FRMD4B: variants seen among roughly 807,000 people sequenced by gnomAD.
The protein encoded by FRMD4B is FERM domain-containing protein 4B.
FRMD4B carries 74 observed loss-of-function variants against 141.5 expected under a neutral mutation model. That is an observed-to-expected ratio of 0.52 (90% CI 0.43 to 0.63). The LOEUF (loss-of-function observed/expected upper bound fraction) is 0.63. FRMD4B is among the 30% of genes least tolerant of loss of function. FRMD4B has a pLI of 0.00. For missense variants in FRMD4B, 1,366 were observed against 1,253.4 expected (o/e 1.09, Z -1.36); for synonymous variants, 506 against 467.9 (o/e 1.08, Z -1.05).
chr3:69,229,742 T>C (rs1231655302), intron 7 of FRMD4B, among the ~76,000 whole-genome samples: 1 of 152,154 alleles, frequency 6.6e-6, no homozygotes, highest in Non-Finnish European at 1.5e-5. Flanking sequence ...GGAGTCTCAC[T>C]CTGTCGCCAG....
chr3:69,282,762 G>A (rs2093649944), intron 5 of FRMD4B, among the ~76,000 whole-genome samples: 1 of 151,804 alleles, frequency 6.6e-6, no homozygotes, highest in African/African-American at 2.4e-5. Flanking sequence ...CTCAGCCTCC[G>A]GAGTAGGTGG....
chr3:69,170,132 A>G lies in FRMD4B; in HGVS notation c.*1729T>C, dbSNP rs962090758. ...TTAATGTAAATATTTAAAAATGTACATCCCGGAATTAATAAAATACGGTAA... is the reference window on the plus strand; with the variant it reads ...TTAATGTAAATATTTAAAAATGTACGTCCCGGAATTAATAAAATACGGTAA... On this transcript the variant is annotated 3_prime_UTR_variant, in exon 23 of 23. Transcript: ENST00000398540. 1.3e-5 allele frequency: 2 copies of G among 152,216 alleles called. No individual in the cohort carries two copies. The highest frequency in any genetic ancestry group is 2.9e-5 in the Non-Finnish European group (2 of 68,038). The allele number at this position is 152,216 out of a possible 1,614,324, so 9.4% of individuals were successfully genotyped here.
intron 1 of FRMD4B, among the ~76,000 whole-genome samples, chr3:69,319,448 C>T (rs1298778039): frequency 2.0e-5 from 3 of 152,072 alleles, no homozygotes; most frequent in African/African-American, 7.2e-5. Context: ...ATATTACTGA[C>T]CCATTTTAAA....
chr3:69,453,565 C>T (rs558926598), intron 1 of FRMD4B, among the ~76,000 whole-genome samples: 33 of 152,324 alleles, frequency 2.2e-4, no homozygotes, highest in Non-Finnish European at 1.5e-5. Context: ...CAGAGTTGTC[C>T]TCTAGCCTAG....
intron 1 of FRMD4B, among the ~76,000 whole-genome samples, chr3:69,350,380 T>C (rs556307474): frequency 1.7e-4 from 26 of 152,326 alleles, no homozygotes; most frequent in Admixed American, 1.2e-3. Context: ...TTGGTGGGAC[T>C]GTAAACTAGT....
At chr3:69,329,991 G>T (rs1205305988) in intron 1 of FRMD4B, among the ~76,000 whole-genome samples, 1 of 152,046 alleles carries the variant, frequency 6.6e-6, no homozygotes, top group Admixed American at 6.6e-5. Context: ...ACTGATGAAG[G>T]TCTCCTGACC....
chr3:69,366,293 T>TAG (rs1703653512), intron 1 of FRMD4B, among the ~76,000 whole-genome samples: 8 of 145,852 alleles, frequency 5.5e-5, no homozygotes, highest in African/African-American at 1.8e-4. Context: ...ACAAAAAAAA[T>TAG]TGACAACAAC....
At chr3:69,296,956 G>C (rs1701054163) in intron 4 of FRMD4B, among the ~76,000 whole-genome samples, 1 of 152,148 alleles carries the variant, frequency 6.6e-6, no homozygotes, top group Non-Finnish European at 1.5e-5. Context: ...TTTAAACTTA[G>C]TTTCCATCTG....
At chr3:69,193,981 G>A (rs1287036348) in intron 16 of FRMD4B, 108 bp from the exon 17 acceptor site, 1 of 682,884 alleles carries the variant, frequency 1.5e-6, no homozygotes, top group African/African-American at 1.8e-5. Context: ...GACGTTCTTT[G>A]AGAACACTAT....
At chr3:69,437,055 A>G (rs1031490068) in intron 1 of FRMD4B, among the ~76,000 whole-genome samples, 2 of 152,048 alleles carry the variant, frequency 1.3e-5, no homozygotes, top group African/African-American at 4.8e-5. Flanking sequence ...CTGGAGATGA[A>G]TCGTGGTAGT....
At chr3:69,360,859 C>T (rs534078214) in intron 1 of FRMD4B, among the ~76,000 whole-genome samples, 1 of 152,252 alleles carries the variant, frequency 6.6e-6, no homozygotes, top group African/African-American at 2.4e-5. Flanking sequence ...TAATGCTCAA[C>T]AGCTATATCA....
rs112049885 is a variant in FRMD4B at position 69,311,137 on chromosome 3, AC to A, written c.323+125del. 2,450 of 507,132 alleles carry A rather than the reference AC, an allele frequency of 4.8e-3. 47 individuals carry two copies. The highest frequency in any genetic ancestry group is 0.043 in the African/African-American group (2,275 of 52,334). 31.4% of individuals were successfully genotyped at this position (507,132 alleles called of 1,614,324 possible). A position where few individuals can be genotyped will look rare whatever the true frequency, so the allele number is the denominator to read the frequency against. ...TAGGAGAAAAATCGCATATTAAAAA[AC>A]CTTTAGCTAAGCAGGACATGTTCTG... is the stretch of plus-strand genomic sequence containing the variant. On this transcript the variant is annotated intron_variant, in intron 3 of 22. Transcript: ENST00000398540.
chr3:69,283,663 C>T (rs949341497), intron 5 of FRMD4B, among the ~76,000 whole-genome samples: 12 of 152,210 alleles, frequency 7.9e-5, no homozygotes, highest in Non-Finnish European at 1.6e-4. Flanking sequence ...TTACAAGGAG[C>T]GATTGTATGT....
chr3:69,411,795 C>T lies in FRMD4B; in HGVS notation c.-1+20839G>A, dbSNP rs147683318. Among the ~76,000 whole-genome samples, 13 of 152,286 alleles carry T rather than the reference C, an allele frequency of 8.5e-5. No homozygotes were observed. The East Asian group carries it at 2.1e-3, about 25-fold the overall frequency. The stretch of plus-strand genomic sequence containing the variant: ...TATAGCCTCCAATCTAGTTTCACCA[C>T]GCACTTCTTAAAGTGGAAGATTTCC... On this transcript the variant is annotated intron_variant, in intron 2 of 5. Coordinates refer to the FRMD4B transcript ENST00000459638.
At chr3:69,472,925 CTTTTTTTTTTTTCT>C (rs1705919550) in intron 1 of FRMD4B, among the ~76,000 whole-genome samples, 6 of 90,908 alleles carry the variant, frequency 6.6e-5, no homozygotes, top group African/African-American at 1.9e-4. Context: ...GTGAGTCTTT[CTTTTTTTTTTTTCT>C]TTTTTTTTTT....
chr3:69,378,174 C>T (rs1220514452), intron 1 of FRMD4B, among the ~76,000 whole-genome samples: 2 of 151,628 alleles, frequency 1.3e-5, no homozygotes, highest in Non-Finnish European at 2.9e-5. Context: ...TAATAAACTT[C>T]CTGCTTGTTA....
rs7617910 is a variant in FRMD4B, at chr3:69,343,577, G to T, written c.163-30060C>A. On this transcript the variant is annotated intron_variant, in intron 1 of 22. Transcript: ENST00000398540. ...AGCCATTTTGTCTTAACAGTTTTTT[G>T]TTTTTTTTTTTTTTTTTTTTTAGAC... 7.9e-3 allele frequency among the ~76,000 whole-genome samples: 1,004 copies of T among 126,364 alleles called. 5 individuals carry two copies. The highest frequency in any genetic ancestry group is 0.024 in the African/African-American group (799 of 33,092). 82.9% of individuals were successfully genotyped at this position (126,364 alleles called of 152,430 possible). A position where few individuals can be genotyped will look rare whatever the true frequency, so the allele number is the denominator to read the frequency against.
chr3:69,231,782 C>T (rs560668528), intron 7 of FRMD4B, among the ~76,000 whole-genome samples: 1 of 152,130 alleles, frequency 6.6e-6, no homozygotes, highest in South Asian at 2.1e-4. Context: ...ACCTACTAAA[C>T]CAAAAATGAA....
chr3:69,514,996 G>C lies in FRMD4B; in HGVS notation c.-129+27210C>G, dbSNP rs144467389. ...AAACTGCAAGAATCAAAGCTATGTG[G>C]TACTGGCATAAAGACATACAAATAG... On this transcript the variant is annotated intron_variant, in intron 1 of 5. Transcript: ENST00000459638. Among the ~76,000 whole-genome samples the C allele has an allele frequency of 6.6e-3, 1,000 of 152,266 alleles. 3 individuals are homozygous for C. The highest frequency in any genetic ancestry group is 0.014 in the Middle Eastern group (4 of 294).
Sources: allele counts gnomAD v4.1 joint callset (sites outside exome capture counted in the v4.1 genomes callset), GRCh38; gene constraint gnomAD v4.1.1; transcripts MANE v1.5; gene names NCBI Gene and HGNC (gene_info 2026-07-23, HGNC 2026-07-21).